Variants in DCAF5 observed in about 807,000 individuals in gnomAD.
DCAF5 encodes the protein DDB1 and CUL4 associated factor 5.
DCAF5 carries 9 observed loss-of-function variants against 80.7 expected under a neutral mutation model. The ratio of observed to expected loss-of-function variants is 0.11; its 90% CI spans 0.07 to 0.19. DCAF5 has a LOEUF of 0.19. Among genes scored for constraint, DCAF5 ranks in the 10% least tolerant of loss-of-function variants. The pLI, the probability that DCAF5 is intolerant of heterozygous loss-of-function variation, is 1.00. For synonymous variants in DCAF5, 433 were observed against 461.9 expected (o/e 0.94, Z 0.80); for missense variants, 842 against 1,205.7 (o/e 0.70, Z 4.47).
rs116927875 is a variant in DCAF5 at position 69,135,495 on chromosome 14, G to C, written c.215-13135C>G. 7.6e-4 allele frequency among the ~76,000 whole-genome samples: 115 copies of C among 152,276 alleles called. 1 individual carries two copies. In the East Asian group the frequency reaches 0.021, roughly 28 times the overall value. ...CTATTTTGTGAAAAAGTATCTATGA[G>C]ATAGTTTGCATTGTGAGCTGAACTG... On this transcript the variant is annotated intron_variant, in intron 1 of 8. Coordinates refer to ENST00000341516, the MANE Select transcript of DCAF5 (RefSeq NM_003861.3).
intron 5 of DCAF5, among the ~76,000 whole-genome samples, chr14:69,115,566 G>A (rs749258757): frequency 1.8e-4 from 28 of 152,110 alleles, no homozygotes; most frequent in Non-Finnish European, 3.4e-4. Context: ...AGCAATACAC[G>A]GAAGTTTTTT....
intron 5 of DCAF5, among the ~76,000 whole-genome samples, chr14:69,100,463 T>C (rs1383833454): frequency 6.6e-6 from 1 of 152,160 alleles, no homozygotes; most frequent in East Asian, 1.9e-4. Flanking sequence ...AAACAAAAAT[T>C]TTCAAAGGTC....
intron 6 of DCAF5, among the ~76,000 whole-genome samples, chr14:69,079,164 A>G (rs1399906656): frequency 6.6e-6 from 1 of 152,160 alleles, no homozygotes; most frequent in African/African-American, 2.4e-5. Context: ...GGGTTTTACT[A>G]TTTCATCGTG....
At chr14:69,105,599 C>T (rs2040109934) in intron 5 of DCAF5, among the ~76,000 whole-genome samples, 2 of 151,920 alleles carry the variant, frequency 1.3e-5, no homozygotes, top group South Asian at 4.1e-4. Context: ...ACAAAGCTAG[C>T]AGAAAAAGGG....
rs56286977 is a variant in DCAF5, at chr14:69,133,530, C to T, written c.215-11170G>A. Among the ~76,000 whole-genome samples, 713 of 152,154 alleles carry T rather than the reference C, an allele frequency of 4.7e-3. 5 individuals carry two copies. Among genetic ancestry groups the T allele is most frequent in the South Asian group, 7.5e-3 (36 of 4,820 alleles). On this transcript the variant is annotated intron_variant, in intron 1 of 8. Coordinates refer to ENST00000341516, the MANE Select transcript of DCAF5 (RefSeq NM_003861.3). ...TGCTGTTCAGTGGCACTTCCCAAAT[C>T]GAAACCAGTAGGCAGGGAAGAGGCG...
intron 5 of DCAF5, among the ~76,000 whole-genome samples, chr14:69,095,000 T>A (rs2039654153): frequency 6.6e-6 from 1 of 152,148 alleles, no homozygotes. Flanking sequence ...AAAGAAATTA[T>A]CAAAGTCAAT....
intron 6 of DCAF5, among the ~76,000 whole-genome samples, chr14:69,080,801 A>C (rs1305912227): frequency 1.3e-5 from 2 of 152,236 alleles, no homozygotes; most frequent in African/African-American, 4.8e-5. Flanking sequence ...ACCAACGTTC[A>C]TATTTAATAC....
At chr14:69,124,220 C>A (rs567399723) in intron 1 of DCAF5, among the ~76,000 whole-genome samples, 1 of 152,164 alleles carries the variant, frequency 6.6e-6, no homozygotes, top group South Asian at 2.1e-4. Flanking sequence ...TGTTTATCCA[C>A]TAATCCATCA....
Position 69,152,647 on chromosome 14 carries a change from G to A in DCAF5, c.214+118C>T, listed in dbSNP as rs892851553. On this transcript the variant is annotated intron_variant, in intron 1 of 8. Coordinates refer to ENST00000341516, the MANE Select transcript of DCAF5 (RefSeq NM_003861.3). This position sits in a 1 kb window ranked among gnomAD's most constrained non-coding sequence, Gnocchi z 4.1. ...ACACCAAACCTTCCCACCGCAGAAG[G>A]GGGTAGAGAAAGGGAGGGGGTGGGG... is the stretch of plus-strand genomic sequence containing the variant. 1.4e-6 allele frequency: 1 copy of A among 710,046 alleles called. No homozygotes were observed. Among genetic ancestry groups the A allele is most frequent in the Non-Finnish European group, 2.3e-6 (1 of 427,890 alleles). 44.0% of individuals were successfully genotyped at this position (710,046 alleles called of 1,614,324 possible).
Position 69,083,299 on chromosome 14 carries a change from A to G in DCAF5, c.880-7888T>C, listed in dbSNP as rs141805011. On this transcript the variant is annotated intron_variant, in intron 6 of 8. Coordinates refer to ENST00000341516, the MANE Select transcript of DCAF5 (RefSeq NM_003861.3). ...TTTTAGAGTTTCAAAAAGGTCCAGGATTCAAAAAGAGTTATAAATGGCTGA... is the reference window on the plus strand; with the variant it reads ...TTTTAGAGTTTCAAAAAGGTCCAGGGTTCAAAAAGAGTTATAAATGGCTGA... 1,221 of 155,642 alleles carry G rather than the reference A, an allele frequency of 7.8e-3. 12 individuals carry two copies. The highest frequency in any genetic ancestry group is 0.027 in the African/African-American group (1,128 of 41,580). The allele number at this position is 155,642 out of a possible 1,614,324, so 9.6% of individuals were successfully genotyped here. A position where few individuals can be genotyped will look rare whatever the true frequency, so the allele number is the denominator to read the frequency against.
chr14:69,133,435 A>G (rs2041098194), intron 1 of DCAF5, among the ~76,000 whole-genome samples: 1 of 152,200 alleles, frequency 6.6e-6, no homozygotes, highest in Non-Finnish European at 1.5e-5. Flanking sequence ...CAGACTCAAG[A>G]TTGCCAGATC....
intron 5 of DCAF5, among the ~76,000 whole-genome samples, chr14:69,110,954 T>C (rs919229382): frequency 1.3e-5 from 2 of 151,018 alleles, no homozygotes; most frequent in African/African-American, 4.9e-5. Flanking sequence ...ATCCAATGTG[T>C]CAATTTTTTC....
chr14:69,065,272 T>C (rs2038393709), intron 7 of DCAF5, among the ~76,000 whole-genome samples: 1 of 152,038 alleles, frequency 6.6e-6, no homozygotes, highest in African/African-American at 2.4e-5. Flanking sequence ...AATTTTTGTA[T>C]TTTCAGTAGA....
At chr14:69,113,401 A>ATT (rs2040436657) in intron 5 of DCAF5, among the ~76,000 whole-genome samples, 2 of 152,290 alleles carry the variant, frequency 1.3e-5, no homozygotes, top group South Asian at 4.1e-4. Flanking sequence ...AAGGGTCTCT[A>ATT]TGAGAACTTG....
chr14:69,115,153 A>G (rs1566767879), intron 5 of DCAF5, among the ~76,000 whole-genome samples: 1 of 152,210 alleles, frequency 6.6e-6, no homozygotes, highest in Non-Finnish European at 1.5e-5. Flanking sequence ...GGCAGACAGC[A>G]AGCCTCCTAA....
intron 8 of DCAF5, among the ~76,000 whole-genome samples, chr14:69,058,568 T>C (rs2038072541): frequency 6.7e-6 from 1 of 149,016 alleles, no homozygotes; most frequent in Non-Finnish European, 1.5e-5. Context: ...ACATGTCTCA[T>C]AATCGGGCAA....
intron 8 of DCAF5, among the ~76,000 whole-genome samples, chr14:69,060,487 T>C (rs1299038888): frequency 6.6e-6 from 1 of 152,104 alleles, no homozygotes; most frequent in African/African-American, 2.4e-5. Context: ...ATCAAGGAAG[T>C]TGGACTAAGG....
At chr14:69,089,815 G>A (rs967636309) in intron 6 of DCAF5, 76 of 553,736 alleles carry the variant, frequency 1.4e-4, no homozygotes, top group Admixed American at 5.7e-4. Context: ...TGATATTACC[G>A]GCTTCTAGTA....
At chr14:69,087,078 G>T (rs748804915) in intron 6 of DCAF5, among the ~76,000 whole-genome samples, 42 of 152,188 alleles carry the variant, frequency 2.8e-4, no homozygotes, top group Non-Finnish European at 5.9e-5. Flanking sequence ...AAACATGCTT[G>T]CTAGACTGAA....
Sources: gnomAD v4.1 joint callset for allele counts (sites outside exome capture counted in the v4.1 genomes callset) on GRCh38, gnomAD v4.1.1 for gene constraint, Gnocchi (gnomAD v3.1) non-coding constraint, MANE v1.5 for transcripts, NCBI Gene and HGNC (gene_info 2026-07-23, HGNC 2026-07-21) for gene names.